Variants in PWP1 observed in about 807,000 individuals in gnomAD.
PWP1 encodes PWP1 homolog, endonuclein.
PWP1 carries 47 observed loss-of-function variants against 69.9 expected under a neutral mutation model. The observed-to-expected ratio is 0.67, with a 90% CI of 0.53 to 0.86. The LOEUF (loss-of-function observed/expected upper bound fraction) is 0.86. Ranked by LOEUF, PWP1 falls within the 40% of genes least tolerant of loss-of-function variation. The probability of loss-of-function intolerance (pLI) is 0.00; values close to 1 mark genes in which losing one functional copy is unlikely to be tolerated. For synonymous variants in PWP1, 222 were observed against 208.2 expected, an observed-to-expected ratio of 1.07 and a Z score of -0.57; for missense variants, 551 against 608.8, an observed-to-expected ratio of 0.91 and a Z score of 1.00.
At chr12:107,687,859 C>T (rs1254943280) in intron 1 of PWP1, among the ~76,000 whole-genome samples, 1 of 151,808 alleles carries the variant, frequency 6.6e-6, no homozygotes, top group African/African-American at 2.4e-5. Flanking sequence ...TGGTGAAACC[C>T]AGTCTCTACC....
At chr12:107,692,949 C>T in intron 4 of PWP1, 50 bp downstream of exon 4, 1 of 1,611,898 alleles carries the variant, frequency 6.2e-7, no homozygotes, top group South Asian at 1.1e-5. Flanking sequence ...GTTCAAAAAA[C>T]CTTACTGGCT....
intron 11 of PWP1, among the ~76,000 whole-genome samples, chr12:107,708,437 T>A (rs1197191027): frequency 6.6e-6 from 1 of 152,202 alleles, no homozygotes; most frequent in East Asian, 1.9e-4. Flanking sequence ...TCTTCTTTCT[T>A]TCTTGACAGT....
Position 107,712,293 on chromosome 12 carries a change from G to T in PWP1, c.*73G>T. 1 of 1,123,632 alleles carries T rather than the reference G, an allele frequency of 8.9e-7. No homozygotes were observed. Among genetic ancestry groups the T allele is most frequent in the Non-Finnish European group, 1.3e-6 (1 of 740,876 alleles). 69.6% of individuals were successfully genotyped at this position (1,123,632 alleles called of 1,614,324 possible). ...GTTGGCCTAAAAATGTTCCATGCGT[G>T]GCAGCAACCATGCAGAGTGACTGAA... On this transcript the variant is annotated 3_prime_UTR_variant, in exon 15 of 15. Coordinates refer to ENST00000412830, the MANE Select transcript of PWP1 (RefSeq NM_007062.3).
chr12:107,690,439 G>A (rs754467819), intron 3 of PWP1, among the ~76,000 whole-genome samples: 3 of 152,134 alleles, frequency 2.0e-5, no homozygotes, highest in East Asian at 1.9e-4. Flanking sequence ...TTAGAATATC[G>A]TTGAAATGCT....
rs1167068556 is a variant in PWP1, at chr12:107,688,728, A to C, written c.245A>C (p.Glu82Ala). The change falls in exon 3 of 15, where the codon GAG (glutamate) becomes GCG (alanine). Residue 82 changes from glutamate (E) to alanine (A), a missense_variant. By Grantham distance (107) the Glu-to-Ala change is moderately radical. Transcript: ENST00000412830. ...PREPLEDGDP[E>A]DDRTLDDDEL... Reference sequence around the variant, plus strand: ...GAGCCCCTGGAGGATGGTGACCCAGAGGATGACAGGACGCTTGATGATGAT... The same window carrying C: ...GAGCCCCTGGAGGATGGTGACCCAGCGGATGACAGGACGCTTGATGATGAT... The C allele has an allele frequency of 6.2e-7, 1 of 1,614,116 alleles. No homozygotes were observed. The highest frequency in any genetic ancestry group is 8.5e-7 in the Non-Finnish European group (1 of 1,180,056).
At chr12:107,709,626 T>C (rs1889904165) in intron 13 of PWP1, among the ~76,000 whole-genome samples, 1 of 151,968 alleles carries the variant, frequency 6.6e-6, no homozygotes, top group Non-Finnish European at 1.5e-5. Context: ...GCATAACTAG[T>C]TCTGACTACA....
At chr12:107,693,537 C>T (rs749100196) in intron 5 of PWP1, among the ~76,000 whole-genome samples, 6 of 152,066 alleles carry the variant, frequency 3.9e-5, no homozygotes, top group Admixed American at 1.3e-4. Context: ...TCCTCTCCTA[C>T]TCCTGCTATA....
At chr12:107,708,028 C>T (rs1339679777) in intron 11 of PWP1, among the ~76,000 whole-genome samples, 1 of 152,096 alleles carries the variant, frequency 6.6e-6, no homozygotes, top group African/African-American at 2.4e-5. Flanking sequence ...CAATTCTGCA[C>T]GATTAGTAGA....
chr12:107,702,849 G>A (rs1889740145), intron 8 of PWP1, 86 bp from the exon 9 acceptor site: 1 of 810,102 alleles, frequency 1.2e-6, no homozygotes, highest in African/African-American at 1.7e-5. Context: ...TATTCTTTCT[G>A]ATGCTATTGT....
Position 107,703,002 on chromosome 12 carries a change from G to A in PWP1, c.874G>A (p.Ala292Thr). 2 of 1,610,332 alleles carry A rather than the reference G, an allele frequency of 1.2e-6. No individual in the cohort carries two copies. The highest frequency in any genetic ancestry group is 1.7e-6 in the Non-Finnish European group (2 of 1,176,622). The change falls in exon 9 of 15, where the codon GCA becomes ACA. Residue 292 changes from alanine (A) to threonine (T), a missense_variant. Transcript: ENST00000412830. ...GTGGGATATGTCCTTGGGGAAACCA[G>A]CAGCTAGCCTCGCTGTACACACAGA... ...ILWDMSLGKP[A>T]ASLAVHTDKV...
At chr12:107,705,767 C>CT (rs1253706289) in intron 11 of PWP1, among the ~76,000 whole-genome samples, 1 of 152,110 alleles carries the variant, frequency 6.6e-6, no homozygotes, top group Non-Finnish European at 1.5e-5. Flanking sequence ...TTAATCCAGT[C>CT]TATCATTGAT....
At chr12:107,698,486 C>G (rs1889638187) in intron 7 of PWP1, among the ~76,000 whole-genome samples, 1 of 152,140 alleles carries the variant, frequency 6.6e-6, no homozygotes, top group South Asian at 2.1e-4. Context: ...TGATTGTGTG[C>G]CACTGCACTC....
At chr12:107,686,286 A>C in intron 1 of PWP1, 1 of 472,074 alleles carries the variant, frequency 2.1e-6, no homozygotes, top group Non-Finnish European at 3.9e-6. Flanking sequence ...AATACCCCAA[A>C]AGGCTTTTTG....
chr12:107,694,003 A>G (rs1889534859), intron 5 of PWP1, among the ~76,000 whole-genome samples: 1 of 152,232 alleles, frequency 6.6e-6, no homozygotes, highest in Admixed American at 6.5e-5. Flanking sequence ...GAATATTTGT[A>G]TCAAAGCCAG....
At chr12:107,695,507 T>C (rs1889565091) in intron 5 of PWP1, among the ~76,000 whole-genome samples, 1 of 152,158 alleles carries the variant, frequency 6.6e-6, no homozygotes, top group African/African-American at 2.4e-5. Context: ...ACAAAGCATA[T>C]GGGGAGGGGT....
intron 3 of PWP1, among the ~76,000 whole-genome samples, chr12:107,690,201 A>G (rs1411080764): frequency 6.6e-6 from 1 of 152,126 alleles, no homozygotes; most frequent in Non-Finnish European, 1.5e-5. Context: ...TACCTGTTAA[A>G]TTGATGGTTA....
At chr12:107,699,242 G>C in intron 7 of PWP1, 131 bp from the exon 8 acceptor site, 1 of 702,820 alleles carries the variant, frequency 1.4e-6, no homozygotes, top group South Asian at 1.9e-5. Context: ...CAGGGCAACA[G>C]ACAAAGACTC....
At chr12:107,693,127 T>C in intron 5 of PWP1, 31 bp downstream of exon 5, 2 of 1,570,128 alleles carry the variant, frequency 1.3e-6, no homozygotes, top group Non-Finnish European at 1.7e-6. Flanking sequence ...TAAAAGATTT[T>C]CTAAGTGATG....
chr12:107,689,776 A>C (rs757974055), intron 3 of PWP1, among the ~76,000 whole-genome samples: 6 of 152,194 alleles, frequency 3.9e-5, no homozygotes, highest in Admixed American at 6.5e-5. Flanking sequence ...GGGAAGAGAA[A>C]AAGGAAATAG....
Sources: gnomAD v4.1 joint callset for allele counts (sites outside exome capture counted in the v4.1 genomes callset) on GRCh38, gnomAD v4.1.1 for gene constraint, MANE v1.5 for transcripts, NCBI Gene and HGNC (gene_info 2026-07-23, HGNC 2026-07-21) for gene names.